Variants in GRIP2 observed in about 807,000 individuals in gnomAD.
The protein encoded by GRIP2 is glutamate receptor-interacting protein 2.
GRIP2 carries 58 observed loss-of-function variants against 108.3 expected under a neutral mutation model. The ratio of observed to expected loss-of-function variants is 0.54; its 90% confidence interval spans 0.43 to 0.67. The LOEUF is 0.67. Among genes scored for constraint, GRIP2 ranks in the 30% least tolerant of loss-of-function variants. The probability of loss-of-function intolerance (pLI) is 0.00; values close to 1 mark genes in which losing one functional copy is unlikely to be tolerated. For missense variants in GRIP2, 1,278 were observed against 1,430.6 expected (o/e 0.89, Z 1.72); for synonymous variants, 586 against 598.2 (o/e 0.98, Z 0.30).
Position 14,521,826 on chromosome 3 carries a change from A to G in GRIP2, c.567-39T>C. 6.5e-7 allele frequency: 1 copy of G among 1,530,484 alleles called. No homozygotes were observed. Among genetic ancestry groups the G allele is most frequent in the Non-Finnish European group, 8.8e-7 (1 of 1,138,184 alleles). 94.8% of individuals were successfully genotyped at this position (1,530,484 alleles called of 1,614,324 possible). On this transcript the variant is annotated intron_variant, in intron 6 of 23. Transcript: ENST00000621039. This position sits in a 1 kb window ranked among gnomAD's most constrained non-coding sequence, Gnocchi z 5.1. ...CCAGTCACCAGCCTGGCCCGGCAGC[A>G]GCACTGGGCACAGCCTGTCTGGGAG... is the stretch of plus-strand genomic sequence containing the variant.
At chr3:14,565,587 G>C in the GRIP2 span, among the ~76,000 whole-genome samples, 1 of 147,706 alleles carries the variant, frequency 6.8e-6, no homozygotes, top group Non-Finnish European at 1.5e-5. Context: ...GGCCCGGAGA[G>C]GTGGGAGAGC....
the GRIP2 span, among the ~76,000 whole-genome samples, chr3:14,566,824 G>T: frequency 6.6e-6 from 1 of 152,236 alleles, no homozygotes; most frequent in South Asian, 2.1e-4. Context: ...TGTGACCTGG[G>T]ATGATTCTCT....
chr3:14,523,238 C>G, intron 5 of GRIP2, 163 bp from the exon 6 acceptor site: 1 of 617,980 alleles, frequency 1.6e-6, no homozygotes, highest in Non-Finnish European at 2.9e-6. Flanking sequence ...AATTCGCCCT[C>G]CCAAGAGATG....
upstream of GRIP2, among the ~76,000 whole-genome samples, chr3:14,546,388 G>A (rs1011964372): frequency 1.6e-4 from 25 of 152,146 alleles, no homozygotes; most frequent in African/African-American, 5.6e-4. Context: ...GGCAACTACC[G>A]GGAGTGGGCT....
Position 14,489,639 on chromosome 3 carries a change from T to G in GRIP2, c.*4026A>C, listed in dbSNP as rs1701281756. Reference sequence around the variant, plus strand: ...CCCAGCCCTGTACAGCTGGGAGATCTGGCAGCAGTCACCTGAGCCTCAGTT... The same window carrying G: ...CCCAGCCCTGTACAGCTGGGAGATCGGGCAGCAGTCACCTGAGCCTCAGTT... On this transcript the variant is annotated 3_prime_UTR_variant, in exon 24 of 24. Transcript: ENST00000621039. 6.6e-6 allele frequency: 1 copy of G among 152,450 alleles called. No individual in the cohort carries two copies. Among genetic ancestry groups the G allele is most frequent in the South Asian group, 2.1e-4 (1 of 4,830 alleles). 9.4% of individuals were successfully genotyped at this position (152,450 alleles called of 1,614,324 possible).
the GRIP2 span, chr3:14,572,882 G>T: frequency 2.4e-6 from 3 of 1,248,534 alleles, no homozygotes; most frequent in African/African-American, 4.5e-5. Context: ...CGTACTTCTC[G>T]CAGAAATTAT....
the GRIP2 span, among the ~76,000 whole-genome samples, chr3:14,565,203 G>C: frequency 2.6e-5 from 4 of 152,230 alleles, no homozygotes; most frequent in African/African-American, 9.6e-5. Context: ...TTAAGGGAAA[G>C]GGGCGAAGGC....
intron 9 of GRIP2, among the ~76,000 whole-genome samples, chr3:14,519,318 C>A (rs1364939770): frequency 6.6e-6 from 1 of 152,170 alleles, no homozygotes; most frequent in African/African-American, 2.4e-5. Flanking sequence ...GTGGGGTGGA[C>A]AGACTCCTTC....
chr3:14,492,301 G>C lies in GRIP2; in HGVS notation c.*1364C>G, dbSNP rs1701354525. On this transcript the variant is annotated 3_prime_UTR_variant, in exon 24 of 24. Coordinates refer to ENST00000621039, the MANE Select transcript of GRIP2 (RefSeq NM_001080423.4). ...GACCCCAGGTTGGAGACAGATGGAG[G>C]TGGGAGTGGGTGCCCCGTTTTCCTG... 1 of 152,268 alleles carries C rather than the reference G, an allele frequency of 6.6e-6. No individual in the cohort carries two copies. Among genetic ancestry groups the C allele is most frequent in the African/African-American group, 2.4e-5 (1 of 41,422 alleles). 9.4% of individuals were successfully genotyped at this position (152,268 alleles called of 1,614,324 possible).
chr3:14,509,582 C>T (rs1289929430), intron 17 of GRIP2, among the ~76,000 whole-genome samples: 3 of 152,272 alleles, frequency 2.0e-5, no homozygotes, highest in East Asian at 3.9e-4. Flanking sequence ...TGGCCCAGTG[C>T]TTACCTGGAG....
At chr3:14,597,766 A>G in the GRIP2 span, among the ~76,000 whole-genome samples, 6 of 152,160 alleles carry the variant, frequency 3.9e-5, no homozygotes, top group African/African-American at 1.4e-4. Context: ...TCTACAATCT[A>G]TATCACCATT....
upstream of GRIP2, among the ~76,000 whole-genome samples, chr3:14,561,038 G>T (rs1218238065): frequency 1.3e-5 from 2 of 152,190 alleles, no homozygotes; most frequent in African/African-American, 4.8e-5. Context: ...AGTTCGACTG[G>T]AAGATCAGGA....
intron 1 of GRIP2, among the ~76,000 whole-genome samples, chr3:14,536,071 C>T (rs532088007): frequency 2.6e-5 from 4 of 152,262 alleles, no homozygotes; most frequent in South Asian, 4.2e-4. Flanking sequence ...GGCAGAAGCA[C>T]GTTTTTCAGG....
chr3:14,573,407 C>T, the GRIP2 span: 1 of 1,346,660 alleles, frequency 7.4e-7, no homozygotes, highest in South Asian at 1.2e-5. Context: ...AGATGGACAC[C>T]AGGTAGTGCA....
intron 21 of GRIP2, among the ~76,000 whole-genome samples, chr3:14,498,570 C>A (rs916924424): frequency 1.3e-5 from 2 of 152,028 alleles, no homozygotes; most frequent in Non-Finnish European, 2.9e-5. Flanking sequence ...ACCTTTTTCA[C>A]ACCTTAGAAG....
chr3:14,540,844 A>AC (rs1323671936), upstream of GRIP2, among the ~76,000 whole-genome samples: 1 of 151,638 alleles, frequency 6.6e-6, no homozygotes, highest in African/African-American at 2.4e-5. The surrounding 1 kb of genome is among the most constrained non-coding windows in gnomAD (Gnocchi z 4.1). Context: ...GAGCTTGGAG[A>AC]CCCTCCAGGG....
In GRIP2 at chr3:14,506,949, G is replaced by A. The variant is rs368199255; in HGVS notation, c.2250C>T (p.Leu750=). 1.6e-4 allele frequency: 252 copies of A among 1,607,040 alleles called. 2 individuals carry two copies. The highest frequency in any genetic ancestry group is 1.5e-3 in the East Asian group (66 of 44,618). ...RPLLPRKSGS[L]SETSDADEDP... ...CCTCATCAGCATCACTGGTCTCACT[G>A]AGGCTGCCCGACTTGCGGGGTAGGA... is the stretch of plus-strand genomic sequence containing the variant. Residue 750 remains leucine, a synonymous_variant, in exon 19 of 24, where the codon CTC becomes CTT. Transcript: ENST00000621039.
At chr3:14,551,256 T>A (rs1695143135) in intron 1 of GRIP2, among the ~76,000 whole-genome samples, 1 of 152,234 alleles carries the variant, frequency 6.6e-6, no homozygotes, top group Non-Finnish European at 1.5e-5. Context: ...GACAGGCAGA[T>A]GGTCCTGCTG....
Position 14,494,889 on chromosome 3 carries a change from C to T in GRIP2, c.2924G>A (p.Gly975Glu), listed in dbSNP as rs1300859120. Residue 975 changes from glycine (G) to glutamate (E), a missense_variant, in exon 23 of 24, where the codon GGG becomes GAG. Physicochemically the swap from Gly to Glu is moderately conservative, Grantham distance 98 (BLOSUM62 -2). Coordinates refer to ENST00000621039, the MANE Select transcript of GRIP2 (RefSeq NM_001080423.4). ...GVYVHTVRPD[G>E]PAHRGGLQPF... ...CTGGAGGCCTCCACGGTGGGCTGGC[C>T]CATCAGGGCGCACAGTGTGGACATA... 4 of 1,613,858 alleles carry T rather than the reference C, an allele frequency of 2.5e-6. No individual in the cohort carries two copies. Among genetic ancestry groups the T allele is most frequent in the Non-Finnish European group, 3.4e-6 (4 of 1,179,816 alleles).
Sources: gnomAD v4.1 joint callset for allele counts (sites outside exome capture counted in the v4.1 genomes callset) on GRCh38, gnomAD v4.1.1 for gene constraint, Gnocchi (gnomAD v3.1) non-coding constraint, MANE v1.5 for transcripts, NCBI Gene and HGNC (gene_info 2026-07-23, HGNC 2026-07-21) for gene names.